IL27RA: variants seen among roughly 807,000 people sequenced by gnomAD.
IL27RA encodes the protein interleukin 27 receptor subunit alpha, also known as interleukin-27 receptor subunit alpha.
In IL27RA, 61 loss-of-function variants were observed where a neutral mutation model predicts 80.8. The observed-to-expected ratio is 0.76, with a 90% CI of 0.61 to 0.93. IL27RA has a LOEUF of 0.93. Ranked by LOEUF, IL27RA falls within the 40% of genes least tolerant of loss-of-function variation. The pLI is 0.00. For missense variants in IL27RA, 735 were observed against 808.1 expected, an observed-to-expected ratio of 0.91 and a Z score of 1.10; for synonymous variants, 316 against 332.5, an observed-to-expected ratio of 0.95 and a Z score of 0.54.
chr19:14,053,018 C>T lies in IL27RA; in HGVS notation c.*728C>T, dbSNP rs1976207208. 6.6e-6 allele frequency: 1 copy of T among 152,092 alleles called. No individual in the cohort carries two copies. Among genetic ancestry groups the T allele is most frequent in the East Asian group, 1.9e-4 (1 of 5,194 alleles). 9.4% of individuals were successfully genotyped at this position (152,092 alleles called of 1,614,324 possible). A position where few individuals can be genotyped will look rare whatever the true frequency, so the allele number is the denominator to read the frequency against. ...GACAACAGAATGTGGTCAGAAGTGA[C>T]ATATGCCAACACGGGGTCTGGGTGG... is the stretch of plus-strand genomic sequence containing the variant. On this transcript the variant is annotated 3_prime_UTR_variant, in exon 14 of 14. Transcript: ENST00000263379.
intron 4 of IL27RA, 29 bp downstream of exon 4, chr19:14,039,939 C>G: frequency 5.6e-6 from 9 of 1,609,636 alleles, no homozygotes; most frequent in Non-Finnish European, 7.6e-6. Context: ...TTCTCCCCAC[C>G]CTATTCCGGG....
At chr19:14,034,459 A>C (rs547710595) in intron 2 of IL27RA, among the ~76,000 whole-genome samples, 4 of 151,704 alleles carry the variant, frequency 2.6e-5, no homozygotes, top group South Asian at 2.1e-4. Context: ...CAGGAGTTGC[A>C]GACCAGCCTG....
At chr19:14,040,200 C>A (rs1437431811) in intron 4 of IL27RA, among the ~76,000 whole-genome samples, 2 of 149,778 alleles carry the variant, frequency 1.3e-5, no homozygotes, top group Non-Finnish European at 3.0e-5. Flanking sequence ...CCCATCTCCA[C>A]TAAAAATACA....
In IL27RA at chr19:14,052,891, ACT is replaced by A. The variant is rs1258743641; in HGVS notation, c.*602_*603del. The A allele has an allele frequency of 6.7e-6, 1 of 148,826 alleles. No individual in the cohort carries two copies. Among genetic ancestry groups the A allele is most frequent in the Non-Finnish European group, 1.5e-5 (1 of 67,520 alleles). The allele number at this position is 148,826 out of a possible 1,614,324, so 9.2% of individuals were successfully genotyped here. ...GAGACCTTATCTCAAAAATAAACAA[ACT>A]AATAAAAAGCAAAAAAAAAAAAAAA... On this transcript the variant is annotated 3_prime_UTR_variant, in exon 14 of 14. Transcript: ENST00000263379.
At chr19:14,037,834 C>CTCTCTTTTTTT (rs77898584) in intron 2 of IL27RA, among the ~76,000 whole-genome samples, 1 of 129,422 alleles carries the variant, frequency 7.7e-6, no homozygotes, top group African/African-American at 2.8e-5. Flanking sequence ...CTCTCTCTCT[C>CTCTCTTTTTTT]TTTTTTTTTT....
At position 14,051,890 on chromosome 19, in the gene IL27RA, C is replaced by G; in HGVS notation, c.1633C>G (p.Leu545Val). The change falls in exon 13 of 14, where the codon CTA becomes GTA. Residue 545 changes from leucine (L) to valine (V), a missense_variant. Coordinates refer to ENST00000263379, the MANE Select transcript of IL27RA (RefSeq NM_004843.4). Reference protein sequence around the residue: ...SLATSGRCYHLRHKVLPRWVW... With the variant: ...SLATSGRCYHVRHKVLPRWVW... The stretch of plus-strand genomic sequence containing the variant: ...CTCCTGTCTTGCCAGGTGCTACCAC[C>G]TAAGGCACAAAGTGCTGCCCCGCTG... The G allele has an allele frequency of 6.3e-7, 1 of 1,581,426 alleles. No individual in the cohort carries two copies.
At chr19:14,038,875 A>G (rs973271346) in intron 2 of IL27RA, among the ~76,000 whole-genome samples, 24 of 151,140 alleles carry the variant, frequency 1.6e-4, no homozygotes, top group Non-Finnish European at 7.4e-5. Flanking sequence ...CAAGAACAAA[A>G]ATCTGTCTCA....
intron 2 of IL27RA, among the ~76,000 whole-genome samples, chr19:14,033,692 C>T (rs1008994880): frequency 6.7e-5 from 10 of 150,338 alleles, no homozygotes; most frequent in South Asian, 2.1e-4. Flanking sequence ...TAAAAGCTGG[C>T]GTGGTGGCTC....
chr19:14,042,988 A>G (rs1378325047), intron 6 of IL27RA, among the ~76,000 whole-genome samples, 199 bp downstream of exon 6: 2 of 151,994 alleles, frequency 1.3e-5, no homozygotes, highest in African/African-American at 2.4e-5. Flanking sequence ...CTAAAAATAC[A>G]AAACTTCACG....
intron 8 of IL27RA, 143 bp downstream of exon 8, chr19:14,046,761 C>A (rs921733408): frequency 6.6e-6 from 5 of 756,950 alleles, no homozygotes; most frequent in Middle Eastern, 3.9e-4. Context: ...CTTTGGGAGG[C>A]CGAAAGGGGC....
At chr19:14,047,624 T>G (rs1443494736) in intron 8 of IL27RA, among the ~76,000 whole-genome samples, 1 of 149,552 alleles carries the variant, frequency 6.7e-6, no homozygotes, top group Non-Finnish European at 1.5e-5. Context: ...CCCAAAATGA[T>G]GGGATGACAG....
At chr19:14,032,631 ATAC>A in intron 2 of IL27RA, 128 bp downstream of exon 2, 5 of 366,596 alleles carry the variant, frequency 1.4e-5, no homozygotes, top group South Asian at 9.9e-5. Flanking sequence ...TATACTAAAA[ATAC>A]AAAAAAAAAA....
At chr19:14,041,221 G>A (rs1179693515) in intron 4 of IL27RA, among the ~76,000 whole-genome samples, 6 of 135,608 alleles carry the variant, frequency 4.4e-5, no homozygotes, top group African/African-American at 1.4e-4. Context: ...TTTTTGAGAC[G>A]GAGTCTCACT....
rs985477172 is a variant in IL27RA, at chr19:14,052,245, G to A, written c.1866G>A (p.Glu622=). The change falls in exon 14 of 14, where the codon GAG becomes GAA. Residue 622 remains glutamate (E), a synonymous_variant. Transcript: ENST00000263379. The stretch of plus-strand genomic sequence containing the variant: ...AGAAGCACTTCCTGCCCACACCTGA[G>A]GAGCTGGGCCTTCTGGGGCCCCCCA... ...GYEKHFLPTP[E]ELGLLGPPRP... is the part of the protein sequence containing the mutation. 1.9e-6 allele frequency: 3 copies of A among 1,561,916 alleles called. No homozygotes were observed. The highest frequency in any genetic ancestry group is 2.6e-6 in the Non-Finnish European group (3 of 1,156,618).
Position 14,039,670 on chromosome 19 carries a change from C to G in IL27RA, c.376+5C>G, listed in dbSNP as rs373611906. 6.2e-7 allele frequency: 1 copy of G among 1,610,142 alleles called. No homozygotes were observed. Among genetic ancestry groups the G allele is most frequent in the Non-Finnish European group, 8.5e-7 (1 of 1,178,002 alleles). On this transcript the variant is annotated splice_donor_5th_base_variant and intron_variant, in intron 3 of 13. Transcript: ENST00000263379. ...TCGTGAACCTAGAAACCCAAAGTAA[C>G]GTGGCAGGAGGGTGGGCGCTCTATG...
At position 14,048,286 on chromosome 19, in the gene IL27RA, AAATAAATT is replaced by A. The variant is rs201658138; in HGVS notation, c.1142-691_1142-684del. Reference sequence around the variant, plus strand: ...AATCTTTATAAATAAATAAATAAATAAATAAATTAATTAATTAATGAACTTGGAAGAAC... The same window carrying A: ...AATCTTTATAAATAAATAAATAAATAAATTAATTAATGAACTTGGAAGAAC... On this transcript the variant is annotated intron_variant, in intron 8 of 13. Coordinates refer to ENST00000263379, the MANE Select transcript of IL27RA (RefSeq NM_004843.4). Among the ~76,000 whole-genome samples, 138 of 116,470 alleles carry A rather than the reference AAATAAATT, an allele frequency of 1.2e-3. No homozygotes were observed. The East Asian group carries it at 0.022, about 19-fold the overall frequency. 76.4% of individuals were successfully genotyped at this position (116,470 alleles called of 152,430 possible). A position where few individuals can be genotyped will look rare whatever the true frequency, so the allele number is the denominator to read the frequency against.
In IL27RA at chr19:14,052,571, G is replaced by C. The variant is rs994219517; in HGVS notation, c.*281G>C. On this transcript the variant is annotated 3_prime_UTR_variant, in exon 14 of 14. Coordinates refer to ENST00000263379, the MANE Select transcript of IL27RA (RefSeq NM_004843.4). Reference sequence around the variant, plus strand: ...TGCCAAAATCTGTTCCGCTGTAACAGAACTGAATTTGGACCCCAGCACAGT... The same window carrying C: ...TGCCAAAATCTGTTCCGCTGTAACACAACTGAATTTGGACCCCAGCACAGT... 3 of 359,926 alleles carry C rather than the reference G, an allele frequency of 8.3e-6. No individual in the cohort carries two copies. The highest frequency in any genetic ancestry group is 1.5e-5 in the Non-Finnish European group (3 of 200,312). The allele number at this position is 359,926 out of a possible 1,614,324, so 22.3% of individuals were successfully genotyped here.
At chr19:14,034,137 A>G (rs1435382152) in intron 2 of IL27RA, among the ~76,000 whole-genome samples, 1 of 152,194 alleles carries the variant, frequency 6.6e-6, no homozygotes, top group African/African-American at 2.4e-5. Flanking sequence ...CTCTCTGAGC[A>G]TGTTAAAAGA....
At chr19:14,032,637 A>G (rs1975836857) in intron 2 of IL27RA, 134 bp downstream of exon 2, 1 of 351,650 alleles carries the variant, frequency 2.8e-6, no homozygotes, top group Non-Finnish European at 5.2e-6. Flanking sequence ...AAAAATACAA[A>G]AAAAAAAAAA....
Sources: gnomAD v4.1 joint callset for allele counts (sites outside exome capture counted in the v4.1 genomes callset) on GRCh38, gnomAD v4.1.1 for gene constraint, MANE v1.5 for transcripts, NCBI Gene and HGNC (gene_info 2026-07-23, HGNC 2026-07-21) for gene names.